CEP128: variants seen among roughly 807,000 people sequenced by gnomAD.
The protein encoded by CEP128 is centrosomal protein 128kDa.
In CEP128, 132 loss-of-function variants were observed where a neutral mutation model predicts 156.7. The ratio of observed to expected loss-of-function variants is 0.84; its 90% CI spans 0.73 to 0.97. CEP128 has a LOEUF of 0.97. CEP128 is among the 50% of genes least tolerant of loss of function. The pLI is 0.00. For missense variants in CEP128, 1,252 were observed against 1,281.9 expected (o/e 0.98, Z 0.36); for synonymous variants, 469 against 448.9 (o/e 1.04, Z -0.57).
intron 8 of CEP128, among the ~76,000 whole-genome samples, chr14:80,871,106 A>T (rs1888005230): frequency 6.6e-6 from 1 of 152,120 alleles, no homozygotes. Context: ...GAAAATAGCC[A>T]GTGGAAAAAA....
chr14:80,530,818 T>G lies in CEP128; in HGVS notation c.2949A>C (p.Lys983Asn). Residue 983 changes from lysine (K) to asparagine (N), a missense_variant, in exon 22 of 25, where the codon AAA becomes AAC. By Grantham distance (94) the Lys-to-Asn change is moderately conservative. Coordinates refer to ENST00000555265, the MANE Select transcript of CEP128 (RefSeq NM_152446.5). The part of the protein sequence containing the change: ...PEKLSLLEDF[K>N]DFRDSCSSSE... ...GCCAACTCTTTCTCACTCTGAAGTC[T>G]TTGAAATCTTCTAGTAGGCTCAGTT... The G allele has an allele frequency of 1.2e-6, 2 of 1,603,624 alleles. No homozygotes were observed.
upstream of CEP128, among the ~76,000 whole-genome samples, chr14:80,943,080 GC>G: frequency 6.6e-6 from 1 of 152,130 alleles, no homozygotes; most frequent in Non-Finnish European, 1.5e-5. Context: ...CCATAAAATT[GC>G]CCCATATACA....
rs920563277 is a variant in CEP128 at position 80,858,741 on chromosome 14, T to A, written c.762+4016A>T. On this transcript the variant is annotated intron_variant, in intron 9 of 24. Coordinates refer to ENST00000555265, the MANE Select transcript of CEP128 (RefSeq NM_152446.5). ...CCCATCAAAAAGTGGGCGAAGGACA[T>A]GAACAGACACTTTTCAAAAGAAGAC... Among the ~76,000 whole-genome samples the A allele has an allele frequency of 1.4e-3, 216 of 151,446 alleles. 2 individuals are homozygous for A. Among genetic ancestry groups the A allele is most frequent in the African/African-American group, 5.1e-3 (210 of 40,852 alleles).
At chr14:80,716,626 A>G (rs1249264015) in intron 19 of CEP128, among the ~76,000 whole-genome samples, 1 of 152,128 alleles carries the variant, frequency 6.6e-6, no homozygotes, top group Non-Finnish European at 1.5e-5. Flanking sequence ...ACTATACCAT[A>G]TTTTATTTAT....
intron 9 of CEP128, among the ~76,000 whole-genome samples, chr14:80,852,092 A>G (rs560043731): frequency 3.9e-5 from 6 of 152,052 alleles, no homozygotes; most frequent in African/African-American, 1.4e-4. Context: ...GTGTGTGTGT[A>G]TGTATGCATG....
intron 8 of CEP128, among the ~76,000 whole-genome samples, chr14:80,886,480 T>C (rs1888806971): frequency 6.6e-6 from 1 of 152,238 alleles, no homozygotes; most frequent in Non-Finnish European, 1.5e-5. Flanking sequence ...ATATTCAACA[T>C]TCTTAAAGAA....
At chr14:80,800,804 T>G (rs191852491) in intron 13 of CEP128, among the ~76,000 whole-genome samples, 42 of 152,328 alleles carry the variant, frequency 2.8e-4, no homozygotes, top group African/African-American at 9.6e-4. Flanking sequence ...GTATAAGTAC[T>G]GATTGGGGTG....
intron 19 of CEP128, among the ~76,000 whole-genome samples, chr14:80,668,743 C>T (rs997767868): frequency 5.9e-5 from 9 of 152,142 alleles, no homozygotes; most frequent in Non-Finnish European, 1.2e-4. Flanking sequence ...GCTGTGTCCC[C>T]ACCCAAAACT....
intron 19 of CEP128, among the ~76,000 whole-genome samples, chr14:80,698,195 C>T (rs143736744): frequency 6.6e-6 from 1 of 151,912 alleles, no homozygotes; most frequent in African/African-American, 2.4e-5. Context: ...TAGTACCTAC[C>T]TCTGAGAGTT....
intron 21 of CEP128, among the ~76,000 whole-genome samples, chr14:80,544,338 C>T (rs1222880611): frequency 2.0e-5 from 3 of 152,070 alleles, no homozygotes; most frequent in Non-Finnish European, 2.9e-5. Flanking sequence ...AAACAACAAA[C>T]ATTTAGTTCT....
chr14:80,878,110 C>G (rs560204063), intron 8 of CEP128, among the ~76,000 whole-genome samples: 1 of 152,264 alleles, frequency 6.6e-6, no homozygotes, highest in South Asian at 2.1e-4. Context: ...GCCCCTCCCC[C>G]AGCAGGGACC....
At chr14:80,537,638 C>T (rs1889545443) in intron 21 of CEP128, among the ~76,000 whole-genome samples, 1 of 152,096 alleles carries the variant, frequency 6.6e-6, no homozygotes, top group Non-Finnish European at 1.5e-5. Flanking sequence ...ATAAAATGTA[C>T]TCACAAGGGA....
upstream of CEP128, among the ~76,000 whole-genome samples, chr14:80,946,327 CATGATGATGCCTCATGATGCA>C (rs1886343061): frequency 9.2e-5 from 6 of 65,388 alleles, no homozygotes; most frequent in African/African-American, 3.0e-4. Context: ...CATGATGCAT[CATGATGATGCCTCATGATGCA>C]TCATGATGAT....
chr14:80,506,363 A>T lies in CEP128; in HGVS notation c.3073-1343T>A, dbSNP rs76351051. ...TTTTTTTTTTTTTTTAAGTACAATC[A>T]GAAGGCAATCAGGAGTTTAAAGGAG... is the stretch of plus-strand genomic sequence containing the variant. On this transcript the variant is annotated intron_variant, in intron 23 of 24. Coordinates refer to ENST00000555265, the MANE Select transcript of CEP128 (RefSeq NM_152446.5). Among the ~76,000 whole-genome samples, 944 of 146,610 alleles carry T rather than the reference A, an allele frequency of 6.4e-3. 14 individuals are homozygous for T. Among genetic ancestry groups the T allele is most frequent in the African/African-American group, 0.023 (901 of 39,834 alleles).
At chr14:80,590,461 C>T (rs1350924036) in intron 19 of CEP128, among the ~76,000 whole-genome samples, 1 of 151,670 alleles carries the variant, frequency 6.6e-6, no homozygotes, top group Non-Finnish European at 1.5e-5. Context: ...TTTAAAAATG[C>T]TAAAAAACAA....
chr14:80,948,222 T>C (rs966903575), intron 2 of CEP128, among the ~76,000 whole-genome samples: 2 of 152,214 alleles, frequency 1.3e-5, no homozygotes, highest in Admixed American at 6.5e-5. Flanking sequence ...ACATCAAGTT[T>C]GCAAGTTACC....
intron 21 of CEP128, among the ~76,000 whole-genome samples, chr14:80,533,162 T>C (rs75803128): frequency 0.047 from 7,214 of 152,250 alleles, 589 homozygotes; most frequent in African/African-American, 0.17. Context: ...GTATATGCCA[T>C]ATTCATTTAA....
At chr14:80,575,529 C>T (rs1891318843) in intron 20 of CEP128, among the ~76,000 whole-genome samples, 1 of 152,000 alleles carries the variant, frequency 6.6e-6, no homozygotes, top group Admixed American at 6.6e-5. Flanking sequence ...AGAGAAAGGG[C>T]AAGGGTAGAA....
intron 19 of CEP128, among the ~76,000 whole-genome samples, chr14:80,702,751 AG>A (rs1395682138): frequency 5.3e-5 from 8 of 152,104 alleles, no homozygotes; most frequent in Non-Finnish European, 1.0e-4. Flanking sequence ...CTTCACCCTG[AG>A]GTTTGTGTGT....
Sources: allele counts gnomAD v4.1 joint callset (sites outside exome capture counted in the v4.1 genomes callset), GRCh38; gene constraint gnomAD v4.1.1; transcripts MANE v1.5; gene names NCBI Gene and HGNC (gene_info 2026-07-23, HGNC 2026-07-21).